Variants in PHF3 observed in about 807,000 individuals in gnomAD.
PHF3 encodes PHD finger protein 3.
In PHF3, 41 loss-of-function variants were observed where a neutral mutation model predicts 178.4. The observed-to-expected ratio is 0.23, with a 90% CI of 0.18 to 0.30. The LOEUF (loss-of-function observed/expected upper bound fraction) is 0.30, where lower values mean the gene tolerates loss of function less well. Ranked by LOEUF, PHF3 falls within the 10% of genes least tolerant of loss-of-function variation. The pLI, the probability that PHF3 is intolerant of heterozygous loss-of-function variation, is 1.00. For synonymous variants in PHF3, 842 were observed against 800.5 expected (o/e 1.05, Z -0.88); for missense variants, 2,346 against 2,398.1 (o/e 0.98, Z 0.45).
chr6:63,705,279 CTCT>C (rs1767640869), intron 11 of PHF3, among the ~76,000 whole-genome samples: 1 of 152,146 alleles, frequency 6.6e-6, no homozygotes, highest in Non-Finnish European at 1.5e-5. Flanking sequence ...GTTTAACATT[CTCT>C]TCTTCTAATT....
chr6:63,694,608 G>T lies in PHF3; in HGVS notation c.2524G>T (p.Asp842Tyr). The change falls in exon 6 of 16, where the codon GAC becomes TAC. Residue 842 changes from aspartate to tyrosine, a missense_variant. Transcript: ENST00000262043. The stretch of plus-strand genomic sequence containing the variant: ...GTCTGGTGAAGGCAGAAATTCATCA[G>T]ACTGTAGAGATAATGAAATTAAAAA... The part of the protein sequence containing the change: ...RESGEGRNSS[D>Y]CRDNEIKKWQ... 6.4e-7 allele frequency: 1 copy of T among 1,559,720 alleles called. No homozygotes were observed. Among genetic ancestry groups the T allele is most frequent in the Middle Eastern group, 1.7e-4 (1 of 5,810 alleles).
chr6:63,724,656 C>T lies in PHF3; in HGVS notation c.*10948C>T, dbSNP rs114222178. Reference sequence around the variant, plus strand: ...AGTCTTATTTCTTTAAAATATCTTTCAAAAATCAGAGATCTGAGATCATCT... The same window carrying T: ...AGTCTTATTTCTTTAAAATATCTTTTAAAAATCAGAGATCTGAGATCATCT... On this transcript the variant is annotated 3_prime_UTR_variant, in exon 16 of 16. Coordinates refer to ENST00000262043, the MANE Select transcript of PHF3 (RefSeq NM_001370348.2). 9.6e-4 allele frequency among the ~76,000 whole-genome samples: 145 copies of T among 151,696 alleles called. No individual in the cohort carries two copies. The highest frequency in any genetic ancestry group is 3.3e-3 in the African/African-American group (135 of 41,374).
At chr6:63,699,270 T>C (rs1358492805) in intron 8 of PHF3, among the ~76,000 whole-genome samples, 1 of 152,168 alleles carries the variant, frequency 6.6e-6, no homozygotes, top group African/African-American at 2.4e-5. Flanking sequence ...CCAGCGAACA[T>C]TTTAAAGGTT....
intron 4 of PHF3, 33 bp downstream of exon 4, chr6:63,685,944 C>T (rs781054336): frequency 7.5e-6 from 11 of 1,475,178 alleles, no homozygotes; most frequent in Non-Finnish European, 1.0e-5. Context: ...GTGATGTGTA[C>T]ATTGAAAATA....
At chr6:63,664,694 AT>A (rs924885135) in intron 2 of PHF3, among the ~76,000 whole-genome samples, 2 of 152,092 alleles carry the variant, frequency 1.3e-5, no homozygotes, top group Non-Finnish European at 2.9e-5. Context: ...ATGATTGCAC[AT>A]GCTTAATTAG....
intron 10 of PHF3, among the ~76,000 whole-genome samples, chr6:63,703,283 G>T (rs1279162385): frequency 6.6e-6 from 1 of 152,120 alleles, no homozygotes; most frequent in African/African-American, 2.4e-5. Context: ...AGTCAGTGAA[G>T]AAATAATTTG....
At chr6:63,690,201 G>A (rs572328554) in intron 4 of PHF3, among the ~76,000 whole-genome samples, 9 of 152,176 alleles carry the variant, frequency 5.9e-5, no homozygotes, top group African/African-American at 1.4e-4. Context: ...AACATTGTTC[G>A]AAAGTTTTCT....
Position 63,725,745 on chromosome 6 carries a change from A to G in PHF3, c.*12037A>G, listed in dbSNP as rs1006203578. 3.3e-5 allele frequency among the ~76,000 whole-genome samples: 5 copies of G among 152,176 alleles called. No individual in the cohort carries two copies. Among genetic ancestry groups the G allele is most frequent in the Non-Finnish European group, 5.9e-5 (4 of 67,982 alleles). ...TTTAGAAGCAAGTCAAGACACTTCT[A>G]TAAGAACTACTTAGATTATGATCAT... On this transcript the variant is annotated 3_prime_UTR_variant, in exon 16 of 16. Transcript: ENST00000262043.
At chr6:63,645,055 AT>A (rs67135634) in intron 1 of PHF3, among the ~76,000 whole-genome samples, 6 of 149,554 alleles carry the variant, frequency 4.0e-5, no homozygotes, top group African/African-American at 1.5e-4. Flanking sequence ...TAATTTTTGT[AT>A]TTTTTTTTGT....
At chr6:63,674,265 T>C (rs1766052237) in intron 2 of PHF3, among the ~76,000 whole-genome samples, 1 of 150,592 alleles carries the variant, frequency 6.6e-6, no homozygotes, top group Non-Finnish European at 1.5e-5. Flanking sequence ...TTTGATGATA[T>C]CTAAGAGTAA....
chr6:63,681,218 C>A (rs1162794683), intron 3 of PHF3, among the ~76,000 whole-genome samples: 1 of 151,836 alleles, frequency 6.6e-6, no homozygotes, highest in Non-Finnish European at 1.5e-5. Context: ...TATCTGATTT[C>A]TTCTGGAAGT....
chr6:63,660,244 C>A (rs1194589922), intron 2 of PHF3, among the ~76,000 whole-genome samples: 1 of 151,894 alleles, frequency 6.6e-6, no homozygotes, highest in Admixed American at 6.6e-5. Flanking sequence ...GAGACGTGCT[C>A]TAAAGATGTG....
In PHF3 at chr6:63,712,148, CAAG is replaced by C. The variant is rs557902253; in HGVS notation, c.4561_4563del (p.Lys1521del). ...ATGTGGAAGTAACTGATGGTGAAAA[CAAG>C]GAGATAAAAGTTAAAGTAGATAATA... On this transcript the variant is annotated inframe_deletion, in exon 16 of 16. Transcript: ENST00000262043. The C allele has an allele frequency of 6.9e-5, 112 of 1,613,270 alleles. No individual in the cohort carries two copies. The East Asian group carries it at 7.6e-4, about 11-fold the overall frequency.
intron 2 of PHF3, among the ~76,000 whole-genome samples, chr6:63,671,556 T>A (rs1765917483): frequency 6.6e-6 from 1 of 152,194 alleles, no homozygotes; most frequent in Admixed American, 6.5e-5. Context: ...CATGCTGAGG[T>A]ACTCGTAGTG....
At chr6:63,679,906 A>T (rs779246050) in intron 2 of PHF3, 94 bp from the exon 3 acceptor site, 64 of 1,008,508 alleles carry the variant, frequency 6.3e-5, no homozygotes, top group Non-Finnish European at 9.6e-5. Context: ...GTAGTGTTAC[A>T]TTAAGACTAT....
intron 2 of PHF3, among the ~76,000 whole-genome samples, chr6:63,669,149 A>G (rs1765802859): frequency 6.6e-6 from 1 of 152,234 alleles, no homozygotes; most frequent in African/African-American, 2.4e-5. Flanking sequence ...TGGCTTTAAT[A>G]CAGAAACATT....
intron 12 of PHF3, 89 bp from the exon 13 acceptor site, chr6:63,706,640 C>A (rs1767706028): frequency 1.5e-6 from 2 of 1,292,992 alleles, no homozygotes; most frequent in South Asian, 1.5e-5. Flanking sequence ...TGGCCTTCTT[C>A]ACATGCTAAA....
At chr6:63,701,055 T>C (rs1335825104) in intron 9 of PHF3, among the ~76,000 whole-genome samples, 1 of 152,210 alleles carries the variant, frequency 6.6e-6, no homozygotes, top group Non-Finnish European at 1.5e-5. Flanking sequence ...CATAATTACA[T>C]CTGTATTTTT....
At chr6:63,681,368 A>G (rs1490802537) in intron 3 of PHF3, among the ~76,000 whole-genome samples, 1 of 152,046 alleles carries the variant, frequency 6.6e-6, no homozygotes, top group Non-Finnish European at 1.5e-5. Flanking sequence ...AATTCCGGGA[A>G]AATTTTTCAA....
Sources: allele counts gnomAD v4.1 joint callset (sites outside exome capture counted in the v4.1 genomes callset), GRCh38; gene constraint gnomAD v4.1.1; transcripts MANE v1.5; gene names NCBI Gene and HGNC (gene_info 2026-07-23, HGNC 2026-07-21).